Variants in UNC5C observed in about 807,000 individuals in gnomAD.
UNC5C encodes the protein unc-5 netrin receptor C, also known as netrin receptor UNC5C.
A neutral mutation model predicts 99.8 loss-of-function variants in UNC5C; 47 were observed. The ratio of observed to expected loss-of-function variants is 0.47; its 90% CI spans 0.37 to 0.60. UNC5C has a LOEUF of 0.60. UNC5C is among the 20% of genes least tolerant of loss of function. UNC5C has a pLI of 0.00. For synonymous variants in UNC5C, 487 were observed against 452.2 expected (o/e 1.08, Z -0.98); for missense variants, 1,062 against 1,165.9 (o/e 0.91, Z 1.30).
chr4:95,312,142 C>T (rs1340392732), intron 2 of UNC5C, among the ~76,000 whole-genome samples: 2 of 152,128 alleles, frequency 1.3e-5, no homozygotes, highest in African/African-American at 2.4e-5. Context: ...GGTCTCTGTT[C>T]TCCTGTGGGT....
rs1579230886 is a variant in UNC5C, at chr4:95,206,618, A to G, written c.1902+10T>C. 2.5e-6 allele frequency: 4 copies of G among 1,614,074 alleles called. No individual in the cohort carries two copies. On this transcript the variant is annotated intron_variant, in intron 11 of 15. Transcript: ENST00000453304. ...TCTTGCATAGCATCTTTATCCCGAC[A>G]GCAGCTCACCTCCCACTGTCCCTGT...
At chr4:95,200,882 G>C (rs564769489) in intron 12 of UNC5C, among the ~76,000 whole-genome samples, 5 of 151,802 alleles carry the variant, frequency 3.3e-5, no homozygotes, top group African/African-American at 1.2e-4. Flanking sequence ...AAATTCATAC[G>C]TTGTAATCCT....
intron 1 of UNC5C, among the ~76,000 whole-genome samples, chr4:95,541,757 CA>C (rs1722927410): frequency 6.6e-6 from 1 of 151,964 alleles, no homozygotes; most frequent in African/African-American, 2.4e-5. Flanking sequence ...TTTTAATAAA[CA>C]AGCACTATTC....
intron 3 of UNC5C, among the ~76,000 whole-genome samples, chr4:95,280,186 A>G (rs1741003440): frequency 6.6e-6 from 1 of 152,140 alleles, no homozygotes; most frequent in African/African-American, 2.4e-5. Context: ...CACCTGGAAA[A>G]AAATGCACTG....
chr4:95,393,197 A>C (rs893015861), intron 1 of UNC5C, among the ~76,000 whole-genome samples: 1 of 152,228 alleles, frequency 6.6e-6, no homozygotes, highest in African/African-American at 2.4e-5. Flanking sequence ...ATGGTTCAGA[A>C]GGAATCTAAA....
chr4:95,296,218 A>T (rs898975999), intron 3 of UNC5C, among the ~76,000 whole-genome samples: 1 of 152,230 alleles, frequency 6.6e-6, no homozygotes, highest in African/African-American at 2.4e-5. Flanking sequence ...ATTATGATGC[A>T]TATCTTTATG....
intron 1 of UNC5C, among the ~76,000 whole-genome samples, chr4:95,382,618 T>C (rs1745104473): frequency 6.6e-6 from 1 of 152,138 alleles, no homozygotes; most frequent in Non-Finnish European, 1.5e-5. Flanking sequence ...CAAAAGGAAT[T>C]GAGAAGGCAT....
At chr4:95,456,348 G>C (rs957609084) in intron 1 of UNC5C, among the ~76,000 whole-genome samples, 1 of 152,104 alleles carries the variant, frequency 6.6e-6, no homozygotes, top group Non-Finnish European at 1.5e-5. Context: ...GTCAGTTGTG[G>C]GAATGGGGAA....
At chr4:95,195,684 G>T (rs567511083) in intron 12 of UNC5C, among the ~76,000 whole-genome samples, 18 of 152,266 alleles carry the variant, frequency 1.2e-4, no homozygotes, top group African/African-American at 3.9e-4. Context: ...AGCCACGTCT[G>T]ACTGTCCATG....
intron 12 of UNC5C, among the ~76,000 whole-genome samples, chr4:95,197,169 T>C (rs981489915): frequency 1.4e-5 from 2 of 145,980 alleles, no homozygotes; most frequent in African/African-American, 2.5e-5. Context: ...TCTATCCACA[T>C]GGATAATATA....
chr4:95,317,326 G>GA (rs1334875122), intron 2 of UNC5C, among the ~76,000 whole-genome samples: 3 of 152,304 alleles, frequency 2.0e-5, no homozygotes, highest in East Asian at 1.9e-4. Context: ...AAATCAGGGG[G>GA]AAAAATCTAT....
At chr4:95,547,719 G>A (rs1410810179) in intron 1 of UNC5C, among the ~76,000 whole-genome samples, 1 of 152,236 alleles carries the variant, frequency 6.6e-6, no homozygotes, top group Non-Finnish European at 1.5e-5. Flanking sequence ...AGACCCCGGA[G>A]GGGACAGCCT....
intron 1 of UNC5C, among the ~76,000 whole-genome samples, chr4:95,475,888 C>T (rs1052970175): frequency 1.1e-4 from 17 of 152,110 alleles, no homozygotes; most frequent in African/African-American, 4.1e-4. Context: ...GTCCTCGCTA[C>T]ATCTTATGAC....
At chr4:95,390,647 G>A (rs556436268) in intron 1 of UNC5C, among the ~76,000 whole-genome samples, 4 of 152,218 alleles carry the variant, frequency 2.6e-5, no homozygotes, top group South Asian at 2.1e-4. Flanking sequence ...GATTCTACAC[G>A]AATTCTAAGA....
intron 1 of UNC5C, among the ~76,000 whole-genome samples, chr4:95,494,825 C>G (rs909066401): frequency 7.9e-5 from 12 of 151,396 alleles, no homozygotes; most frequent in Non-Finnish European, 1.6e-4. Context: ...GAAATTTTCA[C>G]TATTGTAAGT....
At chr4:95,342,540 G>A (rs529385194) in intron 1 of UNC5C, among the ~76,000 whole-genome samples, 24 of 152,118 alleles carry the variant, frequency 1.6e-4, no homozygotes, top group Admixed American at 3.3e-4. Flanking sequence ...TGGTTCTGGG[G>A]TGAGACTCAG....
At chr4:95,318,142 C>G (rs755292634) in intron 2 of UNC5C, among the ~76,000 whole-genome samples, 4 of 152,024 alleles carry the variant, frequency 2.6e-5, no homozygotes, top group African/African-American at 4.8e-5. Context: ...ATAAACAAGA[C>G]TTTTAGGTAA....
rs915416922 is a variant in UNC5C at position 95,163,845 on chromosome 4, A to T, written c.*5389T>A. ...AGAAGATCTCTGGACAGGTCCCTTC[A>T]GTAGGCAAGCGTCTGAGTAGACAGC... On this transcript the variant is annotated 3_prime_UTR_variant, in exon 16 of 16. Transcript: ENST00000453304. 6.6e-6 allele frequency: 1 copy of T among 152,208 alleles called. No homozygotes were observed. 9.4% of individuals were successfully genotyped at this position (152,208 alleles called of 1,614,324 possible). A position where few individuals can be genotyped will look rare whatever the true frequency, so the allele number is the denominator to read the frequency against.
chr4:95,301,614 C>T lies in UNC5C; in HGVS notation c.482G>A (p.Arg161His), dbSNP rs759713475. The T allele has an allele frequency of 4.3e-6, 7 of 1,613,910 alleles. No homozygotes were observed. Among genetic ancestry groups the T allele is most frequent in the African/African-American group, 2.7e-5 (2 of 74,936 alleles). ...GTTKSRKAYVRIAYLRKTFEQ... is the reference protein window; with the variant it reads ...GTTKSRKAYVHIAYLRKTFEQ... ...ATTGTACAATGACTCACATGCAATGCGCACATACGCCTTCCGGCTCTTTGT... is the reference window on the plus strand; with the variant it reads ...ATTGTACAATGACTCACATGCAATGTGCACATACGCCTTCCGGCTCTTTGT... The change falls in exon 3 of 16, where the codon CGC becomes CAC. Residue 161 changes from arginine (R) to histidine (H), a missense_variant. This residue lies in a region of UNC5C where 249 missense variants were observed against 295.1 expected (regional missense o/e 0.84). Transcript: ENST00000453304.
Sources: allele counts gnomAD v4.1 joint callset (sites outside exome capture counted in the v4.1 genomes callset), GRCh38; gene constraint gnomAD v4.1.1; regional missense constraint gnomAD v4.1.1; transcripts MANE v1.5; gene names NCBI Gene and HGNC (gene_info 2026-07-23, HGNC 2026-07-21).